Variants in AHCY observed in about 807,000 individuals in gnomAD.
The protein encoded by AHCY is S-adenosyl-L-homocysteine hydrolase.
AHCY carries 24 observed loss-of-function variants against 45.4 expected under a neutral mutation model. The ratio of observed to expected loss-of-function variants is 0.53; its 90% CI spans 0.38 to 0.74. AHCY has a LOEUF of 0.74. Among genes scored for constraint, AHCY ranks in the 30% least tolerant of loss-of-function variants. The probability of loss-of-function intolerance (pLI) is 0.00; values close to 1 mark genes in which losing one functional copy is unlikely to be tolerated. For missense variants in AHCY, 449 were observed against 594.1 expected (o/e 0.76, Z 2.54); for synonymous variants, 245 against 235.1 (o/e 1.04, Z -0.39).
At chr20:34,239,504 T>C in the AHCY span, among the ~76,000 whole-genome samples, 1 of 152,180 alleles carries the variant, frequency 6.6e-6, no homozygotes, top group Admixed American at 6.5e-5. Flanking sequence ...AAAGCCTTAC[T>C]TGGTGGGTCA....
chr20:34,292,385 G>A lies in AHCY; in HGVS notation c.418C>T (p.His140Tyr). Residue 140 changes from histidine (H) to tyrosine (Y), a missense_variant, in exon 4 of 10, where the codon CAC (histidine) becomes TAC (tyrosine). By Grantham distance (83) the His-to-Tyr change is moderately conservative. Coordinates refer to ENST00000217426, the MANE Select transcript of AHCY (RefSeq NM_000687.4). Reference protein sequence around the residue: ...DDGGDLTNLIHTKYPQLLPGI... With the variant: ...DDGGDLTNLIYTKYPQLLPGI... Reference sequence around the variant, plus strand: ...GGCAGAAGCTGCGGGTACTTGGTGTGGATGAGGTTGGTGAGGTCGCCCCCG... The same window carrying A: ...GGCAGAAGCTGCGGGTACTTGGTGTAGATGAGGTTGGTGAGGTCGCCCCCG... 2 of 1,613,470 alleles carry A rather than the reference G, an allele frequency of 1.2e-6. No homozygotes were observed. The highest frequency in any genetic ancestry group is 1.7e-6 in the Non-Finnish European group (2 of 1,180,004).
the AHCY span, among the ~76,000 whole-genome samples, chr20:34,235,582 G>A: frequency 6.6e-6 from 1 of 151,998 alleles, no homozygotes; most frequent in Non-Finnish European, 1.5e-5. Flanking sequence ...TTCTTAGCAC[G>A]ATAACAATCA....
the AHCY span, among the ~76,000 whole-genome samples, chr20:34,235,899 A>AGGGAAG: frequency 9.3e-5 from 6 of 64,622 alleles, no homozygotes; most frequent in African/African-American, 1.5e-3. Flanking sequence ...GGAAGGAAGG[A>AGGGAAG]AAGGAAGGAA....
the AHCY span, chr20:34,245,962 T>TA: frequency 6.7e-7 from 1 of 1,488,564 alleles, no homozygotes; most frequent in Admixed American, 1.7e-5. Flanking sequence ...TTCACTTCTT[T>TA]ACTTCTCCAA....
the AHCY span, among the ~76,000 whole-genome samples, chr20:34,274,049 C>T: frequency 6.6e-6 from 1 of 152,260 alleles, no homozygotes; most frequent in African/African-American, 2.4e-5. Flanking sequence ...CAAATAGCTT[C>T]ATTGGAGTCC....
chr20:34,276,923 G>C (rs1268033286), downstream of AHCY, among the ~76,000 whole-genome samples: 1 of 152,032 alleles, frequency 6.6e-6, no homozygotes, highest in Non-Finnish European at 1.5e-5. Flanking sequence ...TCCTGAGTAG[G>C]TCTCAGGGAT....
chr20:34,269,018 C>A, the AHCY span: 2 of 1,607,654 alleles, frequency 1.2e-6, no homozygotes, highest in Non-Finnish European at 1.7e-6. Flanking sequence ...GAAAGTGGTG[C>A]GGCCCCGGAC....
rs2036340203 is a variant in AHCY, at chr20:34,290,501, C to CA, written c.854+49dup. 6.2e-7 allele frequency: 1 copy of CA among 1,613,620 alleles called. No homozygotes were observed. Among genetic ancestry groups the CA allele is most frequent in the Admixed American group, 1.7e-5 (1 of 60,008 alleles). On this transcript the variant is annotated intron_variant, in intron 7 of 9. Transcript: ENST00000217426. This position sits in a 1 kb window ranked among gnomAD's most constrained non-coding sequence, Gnocchi z 4.5. Reference sequence around the variant, plus strand: ...GATTGTCAGGGACAGAAAGCTGTCCCAACTCTGCCCTCCTCCCTCACTCCC... The same window carrying CA: ...GATTGTCAGGGACAGAAAGCTGTCCCAAACTCTGCCCTCCTCCCTCACTCCC...
At chr20:34,246,191 G>T in the AHCY span, 1 of 1,298,432 alleles carries the variant, frequency 7.7e-7, no homozygotes, top group Admixed American at 2.2e-5. Context: ...AGGAATTTTG[G>T]CCTTAGTAAG....
chr20:34,276,527 C>T (rs891594508), downstream of AHCY, among the ~76,000 whole-genome samples: 1 of 152,056 alleles, frequency 6.6e-6, no homozygotes, highest in Non-Finnish European at 1.5e-5. Context: ...CAGACTATTA[C>T]GATGCTAAGC....
chr20:34,302,817 G>T, intron 1 of AHCY: 20 of 1,026,262 alleles, frequency 1.9e-5, no homozygotes, highest in Non-Finnish European at 2.1e-5. Flanking sequence ...TGCCCTCGCC[G>T]TCCCTGTAGG....
At chr20:34,247,533 G>A in the AHCY span, among the ~76,000 whole-genome samples, 2 of 151,690 alleles carry the variant, frequency 1.3e-5, no homozygotes, top group South Asian at 2.1e-4. Flanking sequence ...TCCTGACCTC[G>A]TGATCCACCC....
At chr20:34,262,960 C>T in the AHCY span, 1 of 1,567,954 alleles carries the variant, frequency 6.4e-7, no homozygotes, top group African/African-American at 1.4e-5. Flanking sequence ...AAGGAGGACC[C>T]CCAACCTCTG....
the AHCY span, among the ~76,000 whole-genome samples, chr20:34,274,817 G>A: frequency 8.6e-5 from 13 of 152,036 alleles, no homozygotes. Flanking sequence ...AGCCAGGTGT[G>A]GTGGCACGCG....
chr20:34,258,439 T>C, the AHCY span, among the ~76,000 whole-genome samples: 2 of 149,530 alleles, frequency 1.3e-5, no homozygotes, highest in South Asian at 4.2e-4. Context: ...GAAGGGCAAA[T>C]AAGTACTGTA....
the AHCY span, among the ~76,000 whole-genome samples, chr20:34,271,330 G>T: frequency 1.3e-5 from 2 of 152,202 alleles, no homozygotes; most frequent in African/African-American, 4.8e-5. Flanking sequence ...CTAATGACCA[G>T]AACTGAAACT....
chr20:34,260,003 G>T, the AHCY span, among the ~76,000 whole-genome samples: 1 of 151,752 alleles, frequency 6.6e-6, no homozygotes, highest in African/African-American at 2.4e-5. Context: ...CCTACTGGGG[G>T]CCTTTCAACA....
downstream of AHCY, among the ~76,000 whole-genome samples, chr20:34,278,373 CAGG>C (rs1470983344): frequency 2.0e-5 from 3 of 152,166 alleles, no homozygotes; most frequent in Non-Finnish European, 4.4e-5. Flanking sequence ...TTCCCACATC[CAGG>C]AGGAGACACG....
chr20:34,264,377 C>CA, the AHCY span, among the ~76,000 whole-genome samples: 2 of 152,160 alleles, frequency 1.3e-5, no homozygotes, highest in Non-Finnish European at 2.9e-5. Context: ...CATCTCTGCA[C>CA]AAGGAGTCTC....
Sources: allele counts gnomAD v4.1 joint callset (sites outside exome capture counted in the v4.1 genomes callset), GRCh38; gene constraint gnomAD v4.1.1; non-coding constraint Gnocchi (gnomAD v3.1); transcripts MANE v1.5; gene names NCBI Gene and HGNC (gene_info 2026-07-23, HGNC 2026-07-21).